The following SNCAIP variants were observed in gnomAD, a reference collection of about 807,000 sequenced individuals.
SNCAIP encodes synphilin-1.
In SNCAIP, 43 loss-of-function variants were observed where a neutral mutation model predicts 86.7. The observed-to-expected ratio is 0.50, with a 90% CI of 0.39 to 0.64. The LOEUF (loss-of-function observed/expected upper bound fraction) is 0.64, where lower values mean the gene tolerates loss of function less well. Among genes scored for constraint, SNCAIP ranks in the 30% least tolerant of loss-of-function variants. The pLI is 0.00. For synonymous variants in SNCAIP, 417 were observed against 427.2 expected, an observed-to-expected ratio of 0.98 and a Z score of 0.29; for missense variants, 981 against 1,103.1, an observed-to-expected ratio of 0.89 and a Z score of 1.57.
intron 1 of SNCAIP, among the ~76,000 whole-genome samples, chr5:122,331,437 A>G (rs1023226725): frequency 8.5e-5 from 13 of 152,242 alleles, no homozygotes; most frequent in African/African-American, 2.7e-4. Context: ...CATATTTTCA[A>G]TGTACAAATA....
chr5:122,368,115 G>A (rs1265719878), intron 1 of SNCAIP, among the ~76,000 whole-genome samples: 1 of 152,038 alleles, frequency 6.6e-6, no homozygotes, highest in Non-Finnish European at 1.5e-5. Flanking sequence ...CTGATAGATT[G>A]GCCTAGAGAG....
intron 7 of SNCAIP, 79 bp from the exon 8 acceptor site, chr5:122,444,484 A>C (rs1433785444): frequency 7.5e-7 from 1 of 1,328,184 alleles, no homozygotes; most frequent in African/African-American, 1.4e-5. Context: ...TCTTCATACT[A>C]TTCAACATTC....
intron 1 of SNCAIP, among the ~76,000 whole-genome samples, chr5:122,337,674 G>A (rs1466629539): frequency 6.6e-6 from 1 of 152,168 alleles, no homozygotes; most frequent in East Asian, 1.9e-4. Context: ...AAGAAGCTGG[G>A]ACTGCAGGCA....
chr5:122,330,329 G>T (rs1397070953), intron 1 of SNCAIP, among the ~76,000 whole-genome samples: 1 of 151,752 alleles, frequency 6.6e-6, no homozygotes, highest in Non-Finnish European at 1.5e-5. Flanking sequence ...CACCGTTTTA[G>T]CCGGGATGGT....
intron 10 of SNCAIP, chr5:122,452,955 T>C (rs1784010691): frequency 9.7e-6 from 15 of 1,549,188 alleles, no homozygotes; most frequent in Non-Finnish European, 1.3e-5. Flanking sequence ...CAATCTTTCC[T>C]CTAACATGCT....
chr5:122,421,743 A>G (rs1005342983), intron 3 of SNCAIP, among the ~76,000 whole-genome samples: 4 of 152,134 alleles, frequency 2.6e-5, no homozygotes, highest in Non-Finnish European at 5.9e-5. Context: ...GTGGCCTGCA[A>G]GTTTCCAAGG....
chr5:122,443,881 A>G (rs1781682367), intron 7 of SNCAIP, among the ~76,000 whole-genome samples: 3 of 152,014 alleles, frequency 2.0e-5, no homozygotes, highest in Admixed American at 2.0e-4. Flanking sequence ...CCTCCCCCAT[A>G]CAGTTCTCTC....
At chr5:122,430,845 G>T (rs941523023) in intron 5 of SNCAIP, among the ~76,000 whole-genome samples, 24 of 151,816 alleles carry the variant, frequency 1.6e-4, no homozygotes, top group Admixed American at 1.3e-3. Flanking sequence ...AAGAGGGTTG[G>T]TTTCCTTAAA....
At chr5:122,402,611 G>A (rs1423261945) in intron 2 of SNCAIP, among the ~76,000 whole-genome samples, 1 of 152,090 alleles carries the variant, frequency 6.6e-6, no homozygotes, top group Non-Finnish European at 1.5e-5. Context: ...TGCTGTCCTG[G>A]TATCCTGGGG....
At chr5:122,415,480 T>TGTTGTCTA (rs750218664) in intron 3 of SNCAIP, among the ~76,000 whole-genome samples, 13 of 152,232 alleles carry the variant, frequency 8.5e-5, no homozygotes, top group Non-Finnish European at 1.3e-4. Flanking sequence ...CCATTTTCTT[T>TGTTGTCTA]GTTGTCTTGG....
chr5:122,449,312 C>T (rs2152997121), intron 8 of SNCAIP, among the ~76,000 whole-genome samples: 2 of 152,252 alleles, frequency 1.3e-5, no homozygotes, highest in Admixed American at 1.3e-4. Flanking sequence ...ACTCAAAGTA[C>T]AGTTTCTACT....
intron 1 of SNCAIP, among the ~76,000 whole-genome samples, chr5:122,354,961 G>C (rs770739019): frequency 9.2e-5 from 14 of 152,212 alleles, no homozygotes; most frequent in Admixed American, 7.2e-4. Context: ...TCCCAAATCT[G>C]CAAGTGCCAG....
At chr5:122,365,696 A>T (rs1206858487) in intron 1 of SNCAIP, among the ~76,000 whole-genome samples, 3 of 152,206 alleles carry the variant, frequency 2.0e-5, no homozygotes, top group African/African-American at 7.2e-5. Context: ...AAAAAGAAAA[A>T]GAAAGATCCC....
chr5:122,391,229 A>G (rs1309431726), intron 2 of SNCAIP, 38 bp downstream of exon 2: 2 of 1,416,522 alleles, frequency 1.4e-6, no homozygotes, highest in African/African-American at 1.4e-5. Flanking sequence ...TTTCAAGATA[A>G]TCTGCCTTCA....
intron 3 of SNCAIP, 39 bp downstream of exon 3, chr5:122,403,904 C>G: frequency 6.8e-7 from 1 of 1,479,474 alleles, no homozygotes; most frequent in East Asian, 2.3e-5. Flanking sequence ...TATCCTGGCT[C>G]AGTGTTAATG....
intron 1 of SNCAIP, among the ~76,000 whole-genome samples, chr5:122,377,578 G>A (rs894883773): frequency 6.6e-6 from 1 of 151,952 alleles, no homozygotes; most frequent in Non-Finnish European, 1.5e-5. Context: ...TAGGGTACAT[G>A]TGCACATTGT....
At position 122,324,939 on chromosome 5, in the gene SNCAIP, G is replaced by A. The variant is rs192549565; in HGVS notation, c.-47+12655G>A. On this transcript the variant is annotated intron_variant, in intron 1 of 10. Transcript: ENST00000261368. ...CAGCATAGAAATAACATGGGATCGA[G>A]GTGGTGGAAAGGAGGCAGAATAACA... is the stretch of plus-strand genomic sequence containing the variant. Among the ~76,000 whole-genome samples, 103 of 152,296 alleles carry A rather than the reference G, an allele frequency of 6.8e-4. 1 individual carries two copies. The highest frequency in any genetic ancestry group is 3.4e-3 in the Middle Eastern group (1 of 294).
At chr5:122,394,661 A>G (rs976544934) in intron 2 of SNCAIP, among the ~76,000 whole-genome samples, 4 of 152,170 alleles carry the variant, frequency 2.6e-5, no homozygotes. Context: ...AACCCTCTGG[A>G]ATTCTTTGGA....
chr5:122,447,796 G>T (rs1221294530), intron 8 of SNCAIP, among the ~76,000 whole-genome samples: 4 of 152,200 alleles, frequency 2.6e-5, no homozygotes, highest in Admixed American at 6.5e-5. Flanking sequence ...TTTGTCTATT[G>T]TGTAGGACTG....
Sources: allele counts gnomAD v4.1 joint callset (sites outside exome capture counted in the v4.1 genomes callset), GRCh38; gene constraint gnomAD v4.1.1; transcripts MANE v1.5; gene names NCBI Gene and HGNC (gene_info 2026-07-23, HGNC 2026-07-21).